Variants in FBXL17 observed in about 807,000 individuals in gnomAD.
The protein encoded by FBXL17 is F-box/LRR-repeat protein 17.
In FBXL17, 22 loss-of-function variants were observed where a neutral mutation model predicts 66.2. The observed-to-expected ratio is 0.33, with a 90% CI of 0.24 to 0.47. FBXL17 has a LOEUF of 0.47. Ranked by LOEUF, FBXL17 falls within the 20% of genes least tolerant of loss-of-function variation. The probability of loss-of-function intolerance (pLI) is 1.00; values close to 1 mark genes in which losing one functional copy is unlikely to be tolerated. For synonymous variants in FBXL17, 474 were observed against 400.5 expected (o/e 1.18, Z -2.19); for missense variants, 878 against 948.2 (o/e 0.93, Z 0.97).
intron 3 of FBXL17, 84 bp downstream of exon 3, chr5:108,364,654 T>C: frequency 8.9e-7 from 1 of 1,128,078 alleles, no homozygotes; most frequent in South Asian, 1.5e-5. Flanking sequence ...GGAACTATTT[T>C]TAACGTAACC....
At chr5:108,137,776 A>G (rs1451758441) in intron 6 of FBXL17, among the ~76,000 whole-genome samples, 1 of 152,154 alleles carries the variant, frequency 6.6e-6, no homozygotes, top group African/African-American at 2.4e-5. Context: ...ATTTCATACA[A>G]TGTTTCTTGA....
intron 4 of FBXL17, among the ~76,000 whole-genome samples, chr5:108,318,694 A>G (rs1007629478): frequency 6.6e-6 from 1 of 151,930 alleles, no homozygotes; most frequent in Non-Finnish European, 1.5e-5. Context: ...TACAGGATTA[A>G]GAGCCAGAAT....
At chr5:108,163,191 G>T (rs1752279596) in intron 6 of FBXL17, among the ~76,000 whole-genome samples, 1 of 151,938 alleles carries the variant, frequency 6.6e-6, no homozygotes, top group Non-Finnish European at 1.5e-5. Flanking sequence ...AGGTTAAAAA[G>T]TTTCATTTTT....
intron 7 of FBXL17, among the ~76,000 whole-genome samples, chr5:107,982,902 C>G (rs1454442869): frequency 6.6e-6 from 1 of 152,130 alleles, no homozygotes; most frequent in East Asian, 1.9e-4. Context: ...TCCTCCCATG[C>G]CCCACTGCTA....
chr5:107,919,140 A>C (rs1249838980), intron 7 of FBXL17, among the ~76,000 whole-genome samples: 2 of 152,326 alleles, frequency 1.3e-5, no homozygotes, highest in South Asian at 2.1e-4. Flanking sequence ...AAAAAGAAAA[A>C]AAATTGCAGG....
At chr5:108,163,826 G>A (rs1752312174) in intron 6 of FBXL17, among the ~76,000 whole-genome samples, 1 of 152,192 alleles carries the variant, frequency 6.6e-6, no homozygotes, top group South Asian at 2.1e-4. Flanking sequence ...CACTGGATTT[G>A]TTTTACTTAT....
At chr5:107,940,290 A>G (rs1751048626) in intron 7 of FBXL17, among the ~76,000 whole-genome samples, 2 of 152,028 alleles carry the variant, frequency 1.3e-5, no homozygotes, top group African/African-American at 2.4e-5. Context: ...TGTAGTTCCT[A>G]TGTCTTAGGC....
At chr5:108,169,749 A>G (rs1304614445) in intron 6 of FBXL17, among the ~76,000 whole-genome samples, 1 of 152,174 alleles carries the variant, frequency 6.6e-6, no homozygotes, top group Non-Finnish European at 1.5e-5. Flanking sequence ...GAAGATTTTT[A>G]CAGACTTATT....
chr5:107,860,035 G>A lies in FBXL17; in HGVS notation c.*1685C>T, dbSNP rs941625399. ...TTTAGTTATGGGAAGAATACTCATG[G>A]CGCTTACTGACTAGATTTTCCTAAC... On this transcript the variant is annotated 3_prime_UTR_variant, in exon 9 of 9. Transcript: ENST00000542267. The A allele has an allele frequency of 1.3e-4, 20 of 152,102 alleles. No homozygotes were observed. The highest frequency in any genetic ancestry group is 4.8e-4 in the African/African-American group (20 of 41,422). The allele number at this position is 152,102 out of a possible 1,614,324, so 9.4% of individuals were successfully genotyped here.
rs912363357 is a variant in FBXL17, at chr5:107,967,688, AAAG to A, written c.1822+53234_1822+53236del. On this transcript the variant is annotated intron_variant, in intron 7 of 8. Coordinates refer to ENST00000542267, the MANE Select transcript of FBXL17 (RefSeq NM_001163315.3). ...TAGAACTTAAAGTATAATAAAAAAA[AAAG>A]AATAGGAAAAAAACAACATTTTCAA... Among the ~76,000 whole-genome samples, 5 of 152,140 alleles carry A rather than the reference AAAG, an allele frequency of 3.3e-5. No homozygotes were observed. The East Asian group carries it at 7.7e-4, about 23-fold the overall frequency.
intron 3 of FBXL17, among the ~76,000 whole-genome samples, chr5:108,361,859 C>T (rs1436305011): frequency 6.6e-6 from 1 of 152,130 alleles, no homozygotes; most frequent in Non-Finnish European, 1.5e-5. Context: ...ATAAGGTCTG[C>T]TCTGTTCCCT....
chr5:108,147,123 C>G (rs1751591290), intron 6 of FBXL17, among the ~76,000 whole-genome samples: 1 of 152,192 alleles, frequency 6.6e-6, no homozygotes, highest in Non-Finnish European at 1.5e-5. Context: ...AAAGTCTCTA[C>G]CTCTTAATAC....
At chr5:107,978,189 G>C (rs1345393116) in intron 7 of FBXL17, among the ~76,000 whole-genome samples, 2 of 152,108 alleles carry the variant, frequency 1.3e-5, no homozygotes, top group Non-Finnish European at 2.9e-5. Flanking sequence ...ATCTAACATG[G>C]CTGACTCCAT....
intron 6 of FBXL17, among the ~76,000 whole-genome samples, chr5:108,107,749 T>C (rs567177240): frequency 2.0e-5 from 3 of 150,242 alleles, no homozygotes; most frequent in African/African-American, 7.3e-5. Context: ...GAGGCAGAGC[T>C]TGCAGTGAGC....
At chr5:108,348,600 A>C in intron 3 of FBXL17, 70 bp from the exon 4 acceptor site, 2 of 1,517,266 alleles carry the variant, frequency 1.3e-6, no homozygotes. Flanking sequence ...TGAGATTTTC[A>C]TATAATTTTT....
chr5:108,028,437 T>C (rs938614500), intron 6 of FBXL17, among the ~76,000 whole-genome samples: 2 of 152,194 alleles, frequency 1.3e-5, no homozygotes. Flanking sequence ...TTAAGCTTAC[T>C]TTTAATTTAA....
chr5:108,373,330 TATATATCTAAATATA>T (rs1215309032), intron 1 of FBXL17, among the ~76,000 whole-genome samples: 1 of 136,636 alleles, frequency 7.3e-6, no homozygotes, highest in African/African-American at 2.8e-5. Context: ...TTTTTATTAA[TATATATCTAAATATA>T]ATATATCTAA....
At chr5:107,872,490 T>C (rs954838096) in intron 8 of FBXL17, among the ~76,000 whole-genome samples, 3 of 152,204 alleles carry the variant, frequency 2.0e-5, no homozygotes, top group Non-Finnish European at 4.4e-5. Flanking sequence ...AGATTTCAAA[T>C]ACATAAAGCA....
intron 3 of FBXL17, among the ~76,000 whole-genome samples, chr5:108,352,021 C>T (rs1747687865): frequency 6.6e-6 from 1 of 152,210 alleles, no homozygotes; most frequent in Non-Finnish European, 1.5e-5. Flanking sequence ...TTCATACAGG[C>T]CACGTGGATA....
Sources: gnomAD v4.1 joint callset for allele counts (sites outside exome capture counted in the v4.1 genomes callset) on GRCh38, gnomAD v4.1.1 for gene constraint, MANE v1.5 for transcripts, NCBI Gene and HGNC (gene_info 2026-07-23, HGNC 2026-07-21) for gene names.